The following RXRA variants were observed in gnomAD, a reference collection of about 807,000 sequenced individuals.
The protein encoded by RXRA is retinoic acid receptor RXR-alpha.
In RXRA, 5 loss-of-function variants were observed where a neutral mutation model predicts 44.5. The ratio of observed to expected loss-of-function variants is 0.11; its 90% CI spans 0.06 to 0.24. The LOEUF is 0.24. Ranked by LOEUF, RXRA falls within the 10% of genes least tolerant of loss-of-function variation. The pLI, the probability that RXRA is intolerant of heterozygous loss-of-function variation, is 1.00. For synonymous variants in RXRA, 291 were observed against 271.4 expected, an observed-to-expected ratio of 1.07 and a Z score of -0.71; for missense variants, 412 against 646.5, an observed-to-expected ratio of 0.64 and a Z score of 3.93.
intron 1 of RXRA, among the ~76,000 whole-genome samples, chr9:134,351,925 G>A (rs964852815): frequency 6.6e-5 from 10 of 152,136 alleles, no homozygotes; most frequent in African/African-American, 1.9e-4. Context: ...TCTGTTCTGT[G>A]TGCACGTGTG....
rs782663485 is a variant in RXRA, at chr9:134,339,538, CGT to C, written c.28+12889_28+12890del. On this transcript the variant is annotated intron_variant, in intron 1 of 9. Coordinates refer to ENST00000481739, the MANE Select transcript of RXRA (RefSeq NM_002957.6). Reference sequence around the variant, plus strand: ...GTCTGTGTGTGTGTGTGTGTGAGCCCGTGTGTGTGTGAGTCTCTGCATACCCA... The same window carrying C: ...GTCTGTGTGTGTGTGTGTGTGAGCCCGTGTGTGTGAGTCTCTGCATACCCA... Among the ~76,000 whole-genome samples the C allele has an allele frequency of 1.0e-4, 13 of 127,262 alleles. No individual in the cohort carries two copies. The South Asian group carries it at 1.1e-3, about 10-fold the overall frequency. 83.5% of individuals were successfully genotyped at this position (127,262 alleles called of 152,430 possible). A position where few individuals can be genotyped will look rare whatever the true frequency, so the allele number is the denominator to read the frequency against.
intron 6 of RXRA, chr9:134,422,211 C>T (rs1413557634): frequency 7.8e-7 from 1 of 1,285,848 alleles, no homozygotes; most frequent in East Asian, 5.6e-5. Context: ...GACACACTTC[C>T]CCCTCCTGGG....
chr9:134,434,908 C>G (rs1257652113), intron 9 of RXRA, among the ~76,000 whole-genome samples: 2 of 152,058 alleles, frequency 1.3e-5, no homozygotes, highest in African/African-American at 2.4e-5. Flanking sequence ...TCATAGGACA[C>G]CCAGGCCTTC....
At chr9:134,381,569 A>G (rs1291902395) in intron 1 of RXRA, among the ~76,000 whole-genome samples, 1 of 152,006 alleles carries the variant, frequency 6.6e-6, no homozygotes, top group Non-Finnish European at 1.5e-5. Context: ...GTGGGGCAGG[A>G]CACCATGGTC....
intron 1 of RXRA, among the ~76,000 whole-genome samples, chr9:134,352,723 T>C (rs1196327062): frequency 6.6e-6 from 1 of 152,122 alleles, no homozygotes; most frequent in Non-Finnish European, 1.5e-5. Flanking sequence ...GCGGGCAGTG[T>C]GGGGGCCAGC....
At chr9:134,385,285 A>G (rs961111841) in intron 1 of RXRA, among the ~76,000 whole-genome samples, 1 of 152,328 alleles carries the variant, frequency 6.6e-6, no homozygotes, top group Admixed American at 6.5e-5. Flanking sequence ...CTGATGGGCC[A>G]CAAAAGGCAT....
At chr9:134,348,411 G>A (rs1363063521) in intron 1 of RXRA, among the ~76,000 whole-genome samples, 1 of 152,214 alleles carries the variant, frequency 6.6e-6, no homozygotes, top group African/African-American at 2.4e-5. Context: ...TGAGAGCCAG[G>A]TGCAGCTCCT....
At chr9:134,377,964 TG>T (rs1830583552) in intron 1 of RXRA, among the ~76,000 whole-genome samples, 1 of 152,216 alleles carries the variant, frequency 6.6e-6, no homozygotes, top group South Asian at 2.1e-4. Context: ...AGGGCCGAGC[TG>T]GGGCAGGTTA....
intron 4 of RXRA, among the ~76,000 whole-genome samples, chr9:134,416,624 G>A (rs936857092): frequency 6.6e-6 from 1 of 152,096 alleles, no homozygotes; most frequent in African/African-American, 2.4e-5. Context: ...TGATTGCCCA[G>A]GTGTCTCTGA....
intron 1 of RXRA, among the ~76,000 whole-genome samples, chr9:134,332,166 C>T (rs1554746727): frequency 6.6e-6 from 1 of 152,220 alleles, no homozygotes; most frequent in Non-Finnish European, 1.5e-5. Context: ...AGGTGGAAAG[C>T]TGTAGTTGGG....
At chr9:134,388,202 C>T (rs1830748426) in intron 1 of RXRA, among the ~76,000 whole-genome samples, 1 of 151,916 alleles carries the variant, frequency 6.6e-6, no homozygotes, top group Non-Finnish European at 1.5e-5. Context: ...AGACTGTGCA[C>T]TTCCGTCAGG....
rs368963595 is a variant in RXRA at position 134,424,905 on chromosome 9, G to A, written c.910+3100G>A. The stretch of plus-strand genomic sequence containing the variant: ...CAGAGGTGAGGCCCCGCCCAGCTCC[G>A]GCAGGTGCCAGGGCCACTGAGTGCT... On this transcript the variant is annotated intron_variant, in intron 6 of 9. Coordinates refer to ENST00000481739, the MANE Select transcript of RXRA (RefSeq NM_002957.6). 2.5e-5 allele frequency: 25 copies of A among 985,316 alleles called. 1 individual carries two copies. In the Admixed American group the frequency reaches 1.4e-3, roughly 53 times the overall value. The allele number at this position is 985,316 out of a possible 1,614,324, so 61.0% of individuals were successfully genotyped here. A position where few individuals can be genotyped will look rare whatever the true frequency, so the allele number is the denominator to read the frequency against.
At chr9:134,435,553 C>T (rs932228985) in intron 9 of RXRA, among the ~76,000 whole-genome samples, 1 of 152,186 alleles carries the variant, frequency 6.6e-6, no homozygotes, top group Non-Finnish European at 1.5e-5. Context: ...TGGTCTGGGG[C>T]CCACAGCCCT....
chr9:134,339,691 C>G lies in RXRA; in HGVS notation c.28+13032C>G, dbSNP rs527582938. ...TGTGTGAGCCTGTGTGTGTGTGTGTCTCTGTGTGTGTGCCTGTGTGTGTTT... is the reference window on the plus strand; with the variant it reads ...TGTGTGAGCCTGTGTGTGTGTGTGTGTCTGTGTGTGTGCCTGTGTGTGTTT... On this transcript the variant is annotated intron_variant, in intron 1 of 9. Coordinates refer to ENST00000481739, the MANE Select transcript of RXRA (RefSeq NM_002957.6). Among the ~76,000 whole-genome samples the G allele has an allele frequency of 2.5e-3, 255 of 101,322 alleles. 1 individual carries two copies. Among genetic ancestry groups the G allele is most frequent in the East Asian group, 9.1e-3 (31 of 3,424 alleles). 66.5% of individuals were successfully genotyped at this position (101,322 alleles called of 152,430 possible). A position where few individuals can be genotyped will look rare whatever the true frequency, so the allele number is the denominator to read the frequency against.
chr9:134,357,962 C>G (rs572663958), intron 1 of RXRA, among the ~76,000 whole-genome samples: 1 of 152,152 alleles, frequency 6.6e-6, no homozygotes. Context: ...GGCAGCATCC[C>G]GCCTGGGGCC....
chr9:134,328,747 C>T (rs1037472694), intron 1 of RXRA, among the ~76,000 whole-genome samples: 3 of 152,158 alleles, frequency 2.0e-5, no homozygotes, highest in African/African-American at 7.2e-5. Context: ...GCTGGCCGAC[C>T]GGTCAGACCT....
At chr9:134,392,700 G>C (rs1207391494) in intron 1 of RXRA, among the ~76,000 whole-genome samples, 2 of 152,174 alleles carry the variant, frequency 1.3e-5, no homozygotes, top group Non-Finnish European at 2.9e-5. Flanking sequence ...GGTGCTTCCT[G>C]GTAAAATCAG....
intron 1 of RXRA, among the ~76,000 whole-genome samples, chr9:134,363,337 G>A (rs1830376515): frequency 2.0e-5 from 3 of 152,252 alleles, no homozygotes; most frequent in East Asian, 3.8e-4. Flanking sequence ...GAGCCTGGCG[G>A]TGGGCCCTGT....
At chr9:134,372,248 G>A (rs534549170) in intron 1 of RXRA, 4 of 152,390 alleles carry the variant, frequency 2.6e-5, no homozygotes, top group African/African-American at 9.6e-5. Flanking sequence ...TAGGCCGAAG[G>A]CGCCTGGCAG....
Sources: allele counts gnomAD v4.1 joint callset (sites outside exome capture counted in the v4.1 genomes callset), GRCh38; gene constraint gnomAD v4.1.1; transcripts MANE v1.5; gene names NCBI Gene and HGNC (gene_info 2026-07-23, HGNC 2026-07-21).